The following COL15A1 variants were observed in gnomAD, a reference collection of about 807,000 sequenced individuals.
The protein encoded by COL15A1 is collagen type XV alpha 1 chain.
A neutral mutation model predicts 165.9 loss-of-function variants in COL15A1; 111 were observed. That is an observed-to-expected ratio of 0.67 (90% CI 0.57 to 0.78). The LOEUF (loss-of-function observed/expected upper bound fraction) is 0.78. COL15A1 is among the 30% of genes least tolerant of loss of function. The probability of loss-of-function intolerance (pLI) is 0.00; values close to 1 mark genes in which losing one functional copy is unlikely to be tolerated. For missense variants in COL15A1, 1,745 were observed against 1,789.7 expected, an observed-to-expected ratio of 0.98 and a Z score of 0.45; for synonymous variants, 659 against 674.8, an observed-to-expected ratio of 0.98 and a Z score of 0.36.
rs151315500 is a variant in COL15A1 at position 99,012,989 on chromosome 9, C to T, written c.1354-2428C>T. Among the ~76,000 whole-genome samples, 44 of 152,130 alleles carry T rather than the reference C, an allele frequency of 2.9e-4. No homozygotes were observed. The East Asian group carries it at 3.1e-3, about 11-fold the overall frequency. Reference sequence around the variant, plus strand: ...TGCTGAGACTACAGGCATGAACCACCGTGCCCGGCCTTTTTTATTTATTTA... The same window carrying T: ...TGCTGAGACTACAGGCATGAACCACTGTGCCCGGCCTTTTTTATTTATTTA... On this transcript the variant is annotated intron_variant, in intron 9 of 41. Coordinates refer to ENST00000375001, the MANE Select transcript of COL15A1 (RefSeq NM_001855.5).
At chr9:99,033,528 G>A (rs1439912534) in intron 16 of COL15A1, among the ~76,000 whole-genome samples, 3 of 152,152 alleles carry the variant, frequency 2.0e-5, no homozygotes, top group Non-Finnish European at 4.4e-5. Context: ...TTCTCCCTGT[G>A]GTTTCTCTTG....
chr9:98,971,351 G>A (rs1474344807), intron 2 of COL15A1, among the ~76,000 whole-genome samples: 2 of 152,154 alleles, frequency 1.3e-5, no homozygotes, highest in Non-Finnish European at 2.9e-5. Context: ...GAGCCCTCCA[G>A]AGCTGCCTGC....
At chr9:99,005,807 A>G (rs1034265171) in intron 9 of COL15A1, among the ~76,000 whole-genome samples, 27 of 152,074 alleles carry the variant, frequency 1.8e-4, no homozygotes, top group African/African-American at 6.5e-4. Flanking sequence ...AATTGCTAAG[A>G]GCCCTGTCTG....
intron 9 of COL15A1, among the ~76,000 whole-genome samples, chr9:99,008,492 T>C (rs1838798502): frequency 1.3e-5 from 2 of 152,230 alleles, no homozygotes; most frequent in South Asian, 2.1e-4. Flanking sequence ...AGAAAACAGA[T>C]TGTTATCACA....
At chr9:98,986,152 A>C in intron 3 of COL15A1, 40 bp downstream of exon 3, 2 of 1,487,602 alleles carry the variant, frequency 1.3e-6, no homozygotes, top group Non-Finnish European at 1.9e-6. Context: ...AGGGAGGTGG[A>C]TGAACAGACT....
rs116390401 is a variant in COL15A1 at position 99,055,368 on chromosome 9, C to G, written c.3188C>G (p.Pro1063Arg). Residue 1063 changes from proline to arginine, a missense_variant, in exon 34 of 42, where the codon CCG becomes CGG. Coordinates refer to ENST00000375001, the MANE Select transcript of COL15A1 (RefSeq NM_001855.5). ...GPPGLPGNPG[P>R]AGQKGETVVG... ...CCAGGCCTGCCCGGAAATCCAGGCCCGGCTGTGAGTAGAGACCCCTCCAAG... is the reference window on the plus strand; with the variant it reads ...CCAGGCCTGCCCGGAAATCCAGGCCGGGCTGTGAGTAGAGACCCCTCCAAG... The G allele has an allele frequency of 6.2e-7, 1 of 1,602,088 alleles. No individual in the cohort carries two copies. The highest frequency in any genetic ancestry group is 8.6e-7 in the Non-Finnish European group (1 of 1,169,228).
At chr9:99,033,843 C>T (rs1288984938) in intron 16 of COL15A1, among the ~76,000 whole-genome samples, 1 of 152,150 alleles carries the variant, frequency 6.6e-6, no homozygotes, top group Non-Finnish European at 1.5e-5. Flanking sequence ...CATCTGGGGG[C>T]CCCCTACCAC....
At chr9:99,042,250 T>G in intron 24 of COL15A1, 143 bp downstream of exon 24, 2 of 603,474 alleles carry the variant, frequency 3.3e-6, no homozygotes, top group Non-Finnish European at 5.9e-6. Context: ...AATTGTACAA[T>G]TCAGTGATTT....
chr9:99,024,980 C>A lies in COL15A1; in HGVS notation c.1961C>A (p.Ala654Asp), dbSNP rs750409588. 3 of 1,613,452 alleles carry A rather than the reference C, an allele frequency of 1.9e-6. No homozygotes were observed. Among genetic ancestry groups the A allele is most frequent in the Non-Finnish European group, 2.5e-6 (3 of 1,179,664 alleles). The change falls in exon 15 of 42, where the codon GCT becomes GAT. Residue 654 changes from alanine to aspartate, a missense_variant. Ala to Asp is a moderately radical substitution (Grantham distance 126, BLOSUM62 -2). Coordinates refer to ENST00000375001, the MANE Select transcript of COL15A1 (RefSeq NM_001855.5). ...PPGSPGEDGP[A>D]GEPGPPGPEG... is the part of the protein sequence containing the mutation. ...GGATCTCCTGGAGAGGATGGACCTG[C>A]TGGTGAACCTGGGCCCCCGGTGAGC...
chr9:98,952,161 A>C (rs1189904340), intron 2 of COL15A1, among the ~76,000 whole-genome samples: 4 of 152,140 alleles, frequency 2.6e-5, no homozygotes, highest in African/African-American at 9.7e-5. Context: ...TCAAAGAAGG[A>C]ATGAAGGGGT....
At chr9:99,029,890 A>T (rs1358384921) in intron 16 of COL15A1, among the ~76,000 whole-genome samples, 4 of 151,312 alleles carry the variant, frequency 2.6e-5, no homozygotes, top group African/African-American at 4.9e-5. Flanking sequence ...GTGCCATTGC[A>T]CTCCAGCCTG....
chr9:99,044,721 T>C lies in COL15A1; in HGVS notation c.2644-14T>C, dbSNP rs755222055. 6.2e-7 allele frequency: 1 copy of C among 1,613,628 alleles called. No individual in the cohort carries two copies. The highest frequency in any genetic ancestry group is 1.3e-5 in the African/African-American group (1 of 74,920). On this transcript the variant is annotated splice_polypyrimidine_tract_variant and intron_variant, in intron 25 of 41. Coordinates refer to ENST00000375001, the MANE Select transcript of COL15A1 (RefSeq NM_001855.5). ...TGTCCCAAACAGTGACAAGTATATA[T>C]CTTCCTGTTTTAGGGTGAACCTGGA...
chr9:99,002,517 G>A (rs1286027375), intron 7 of COL15A1, among the ~76,000 whole-genome samples: 1 of 152,222 alleles, frequency 6.6e-6, no homozygotes, highest in Non-Finnish European at 1.5e-5. Flanking sequence ...AGAGGTAGGA[G>A]ATGGGCAGGA....
In COL15A1 at chr9:99,070,493, G is replaced by A; in HGVS notation, c.*607G>A. 1 of 273,024 alleles carries A rather than the reference G, an allele frequency of 3.7e-6. No homozygotes were observed. Among genetic ancestry groups the A allele is most frequent in the Non-Finnish European group, 7.4e-6 (1 of 135,120 alleles). The allele number at this position is 273,024 out of a possible 1,614,324, so 16.9% of individuals were successfully genotyped here. A position where few individuals can be genotyped will look rare whatever the true frequency, so the allele number is the denominator to read the frequency against. On this transcript the variant is annotated 3_prime_UTR_variant, in exon 42 of 42. Transcript: ENST00000375001. ...TATATTTTTACACAATCATATTTTA[G>A]TATGGTGTCTGTTTATGTAACTCTG...
intron 7 of COL15A1, among the ~76,000 whole-genome samples, chr9:99,002,069 C>T (rs991171371): frequency 6.6e-6 from 1 of 150,422 alleles, no homozygotes; most frequent in Non-Finnish European, 1.5e-5. Context: ...CCTCCCTTCT[C>T]CATCCCCCTC....
At chr9:99,062,992 CT>C (rs1200011755) in intron 38 of COL15A1, 57 bp from the exon 39 acceptor site, 1 of 1,557,646 alleles carries the variant, frequency 6.4e-7, no homozygotes, top group Non-Finnish European at 8.6e-7. Flanking sequence ...TCAATACACT[CT>C]GAAGAACAGA....
chr9:98,991,688 A>G (rs1838434453), intron 5 of COL15A1, among the ~76,000 whole-genome samples: 1 of 152,170 alleles, frequency 6.6e-6, no homozygotes, highest in Non-Finnish European at 1.5e-5. Flanking sequence ...AGCTAGACAT[A>G]AAAGTTCTCC....
At chr9:99,047,736 G>A in intron 26 of COL15A1, 50 bp from the exon 27 acceptor site, 1 of 1,602,112 alleles carries the variant, frequency 6.2e-7, no homozygotes, top group Non-Finnish European at 8.6e-7. Context: ...TCATTTCCCT[G>A]AACCAAGACT....
intron 2 of COL15A1, among the ~76,000 whole-genome samples, chr9:98,969,420 C>T (rs1372179749): frequency 6.6e-6 from 1 of 152,154 alleles, no homozygotes; most frequent in Admixed American, 6.5e-5. Flanking sequence ...CCAAAGTTGC[C>T]CATCTTTTAA....
Sources: allele counts gnomAD v4.1 joint callset (sites outside exome capture counted in the v4.1 genomes callset), GRCh38; gene constraint gnomAD v4.1.1; transcripts MANE v1.5; gene names NCBI Gene and HGNC (gene_info 2026-07-23, HGNC 2026-07-21).